SBF2: variants seen among roughly 807,000 people sequenced by gnomAD.
SBF2 encodes myotubularin-related protein 13.
In SBF2, 112 loss-of-function variants were observed where a neutral mutation model predicts 225.2. The ratio of observed to expected loss-of-function variants is 0.50; its 90% CI spans 0.43 to 0.58. SBF2 has a LOEUF of 0.58. SBF2 is among the 20% of genes least tolerant of loss of function. The pLI is 0.00. For synonymous variants in SBF2, 763 were observed against 773.3 expected (o/e 0.99, Z 0.22); for missense variants, 1,996 against 2,206.2 (o/e 0.90, Z 1.91).
At chr11:10,105,986 G>A (rs114208610) in intron 2 of SBF2, among the ~76,000 whole-genome samples, 172 of 152,232 alleles carry the variant, frequency 1.1e-3, no homozygotes, top group African/African-American at 3.7e-3. Context: ...CTTCATAGGT[G>A]TTTAGATATG....
chr11:9,780,337 C>G lies in SBF2; in HGVS notation c.*81G>C, dbSNP rs1564845379. 1 of 1,244,770 alleles carries G rather than the reference C, an allele frequency of 8.0e-7. No individual in the cohort carries two copies. Among genetic ancestry groups the G allele is most frequent in the East Asian group, 2.4e-5 (1 of 42,340 alleles). The allele number at this position is 1,244,770 out of a possible 1,614,324, so 77.1% of individuals were successfully genotyped here. A position where few individuals can be genotyped will look rare whatever the true frequency, so the allele number is the denominator to read the frequency against. On this transcript the variant is annotated 3_prime_UTR_variant, in exon 40 of 40. Coordinates refer to ENST00000256190, the MANE Select transcript of SBF2 (RefSeq NM_030962.4). ...GCCCTGGGATAACTTGTTGTCAGCTCCTCAAGGATCCATGCTTCTTTTTCT... is the reference window on the plus strand; with the variant it reads ...GCCCTGGGATAACTTGTTGTCAGCTGCTCAAGGATCCATGCTTCTTTTTCT...
intron 17 of SBF2, among the ~76,000 whole-genome samples, chr11:9,892,073 G>C (rs1860868998): frequency 6.6e-6 from 1 of 152,154 alleles, no homozygotes; most frequent in Non-Finnish European, 1.5e-5. Flanking sequence ...TGTGAAAATA[G>C]AGTAAATGGT....
chr11:10,277,590 G>A (rs1351061668), intron 1 of SBF2, among the ~76,000 whole-genome samples: 2 of 152,140 alleles, frequency 1.3e-5, no homozygotes, highest in South Asian at 2.1e-4. Flanking sequence ...ATCTCATAAT[G>A]TGACTTTATT....
chr11:10,176,436 A>G (rs966653119), intron 2 of SBF2, among the ~76,000 whole-genome samples: 1 of 151,936 alleles, frequency 6.6e-6, no homozygotes, highest in Non-Finnish European at 1.5e-5. Flanking sequence ...AAATTGATAG[A>G]CCACTAGCAA....
At chr11:9,902,461 A>G (rs548894793) in intron 16 of SBF2, among the ~76,000 whole-genome samples, 24 of 152,312 alleles carry the variant, frequency 1.6e-4, no homozygotes, top group African/African-American at 5.8e-4. Context: ...CCATGTATTG[A>G]TTTATGATTT....
At chr11:9,989,379 C>T (rs1248725269) in intron 13 of SBF2, 118 bp downstream of exon 13, 5 of 644,618 alleles carry the variant, frequency 7.8e-6, no homozygotes, top group Non-Finnish European at 1.3e-5. Context: ...CAAAATCTCA[C>T]AAATCAACAC....
chr11:10,131,536 C>T (rs755086546), intron 2 of SBF2, among the ~76,000 whole-genome samples: 19 of 152,084 alleles, frequency 1.2e-4, no homozygotes, highest in Admixed American at 3.9e-4. Context: ...CAGGTTCAAG[C>T]GATTCTCCTG....
At chr11:10,125,031 C>T (rs1434157505) in intron 2 of SBF2, among the ~76,000 whole-genome samples, 1 of 150,506 alleles carries the variant, frequency 6.6e-6, no homozygotes, top group Non-Finnish European at 1.5e-5. Flanking sequence ...TTGCTTGAAC[C>T]CGGGAGGCGG....
intron 3 of SBF2, among the ~76,000 whole-genome samples, chr11:10,032,327 G>A (rs1485740060): frequency 3.9e-5 from 6 of 151,944 alleles, no homozygotes; most frequent in Admixed American, 2.0e-4. Context: ...CTACCATAAC[G>A]CTGTGAGCTA....
intron 2 of SBF2, among the ~76,000 whole-genome samples, chr11:10,088,507 T>C (rs964505621): frequency 1.4e-4 from 22 of 152,182 alleles, no homozygotes; most frequent in Non-Finnish European, 3.1e-4. Flanking sequence ...GGCTGGATTG[T>C]TCAAGATTAG....
chr11:10,013,795 T>C (rs1285645366), intron 6 of SBF2, among the ~76,000 whole-genome samples: 2 of 152,250 alleles, frequency 1.3e-5, no homozygotes, highest in East Asian at 1.9e-4. Context: ...ATAATGATTA[T>C]AATTTTCCAA....
intron 6 of SBF2, among the ~76,000 whole-genome samples, chr11:10,009,206 T>C (rs1238280805): frequency 6.6e-6 from 1 of 152,258 alleles, no homozygotes; most frequent in Admixed American, 6.5e-5. Flanking sequence ...TATTGTCATA[T>C]ATAACATTTA....
chr11:10,079,215 CA>C (rs1351630880), intron 2 of SBF2, among the ~76,000 whole-genome samples: 1 of 151,900 alleles, frequency 6.6e-6, no homozygotes, highest in Non-Finnish European at 1.5e-5. Context: ...TGGAGCCTAA[CA>C]AAAAAGAAAT....
At chr11:10,252,742 GGAGCTTGCAGC>G (rs147205816) in intron 1 of SBF2, among the ~76,000 whole-genome samples, 73,019 of 149,558 alleles carry the variant, frequency 0.49, 18,163 homozygotes, top group Non-Finnish European at 0.54. Flanking sequence ...CCTGGGAGGC[GGAGCTTGCAGC>G]GAGCTTGCAG....
At chr11:9,886,926 T>C in intron 17 of SBF2, among the ~76,000 whole-genome samples, 1 of 152,178 alleles carries the variant, frequency 6.6e-6, no homozygotes, top group Non-Finnish European at 1.5e-5. Flanking sequence ...CTATCTTCTC[T>C]GTAAGCGTGT....
chr11:9,994,670 A>G (rs1218386732), intron 9 of SBF2, among the ~76,000 whole-genome samples: 2 of 151,708 alleles, frequency 1.3e-5, no homozygotes, highest in Non-Finnish European at 1.5e-5. Flanking sequence ...AATCTAGGCC[A>G]GAGCTATTTG....
chr11:10,029,316 A>G (rs1376990530), intron 5 of SBF2, among the ~76,000 whole-genome samples: 1 of 152,214 alleles, frequency 6.6e-6, no homozygotes, highest in Non-Finnish European at 1.5e-5. Flanking sequence ...ATTAATAAGT[A>G]GTTACAATGT....
intron 1 of SBF2, among the ~76,000 whole-genome samples, chr11:10,218,491 A>G (rs1958218499): frequency 6.6e-6 from 1 of 151,896 alleles, no homozygotes; most frequent in Non-Finnish European, 1.5e-5. Context: ...TCAACCAATC[A>G]TGCCTTCCCA....
At chr11:9,898,147 C>T (rs1174837064) in intron 16 of SBF2, among the ~76,000 whole-genome samples, 1 of 151,404 alleles carries the variant, frequency 6.6e-6, no homozygotes, top group Non-Finnish European at 1.5e-5. Flanking sequence ...TTTCAAACTA[C>T]TGCTGCGGAT....
Sources: gnomAD v4.1 joint callset for allele counts (sites outside exome capture counted in the v4.1 genomes callset) on GRCh38, gnomAD v4.1.1 for gene constraint, MANE v1.5 for transcripts, NCBI Gene and HGNC (gene_info 2026-07-23, HGNC 2026-07-21) for gene names.